The following NAXD variants were observed in gnomAD, a reference collection of about 807,000 sequenced individuals.
NAXD encodes the protein NAD(P)HX dehydratase, also known as ATP-dependent (S)-NAD(P)H-hydrate dehydratase.
In NAXD, 22 loss-of-function variants were observed where a neutral mutation model predicts 35.8. That is an observed-to-expected ratio of 0.62 (90% CI 0.44 to 0.88). NAXD has a LOEUF of 0.88. Among genes scored for constraint, NAXD ranks in the 40% least tolerant of loss-of-function variants. The probability of loss-of-function intolerance (pLI) is 0.00; values close to 1 mark genes in which losing one functional copy is unlikely to be tolerated. For synonymous variants in NAXD, 189 were observed against 177.6 expected (o/e 1.06, Z -0.51); for missense variants, 428 against 437.7 (o/e 0.98, Z 0.20).
intron 1 of NAXD, chr13:110,615,900 G>A (rs1411652355): frequency 1.3e-6 from 1 of 759,980 alleles, no homozygotes; most frequent in Non-Finnish European, 1.8e-6. Flanking sequence ...GAGGCCTCCT[G>A]GAACGGCGCG....
rs149247530 is a variant in NAXD at position 110,622,240 on chromosome 13, G to T, written c.71G>T (p.Arg24Leu). The T allele has an allele frequency of 1.2e-5, 19 of 1,613,346 alleles. No homozygotes were observed. Among genetic ancestry groups the T allele is most frequent in the Non-Finnish European group, 1.5e-5 (18 of 1,179,710 alleles). ...RRVLERAFSL[R>L]KAHSIKDMEN... ...GTTTTAGAAAGAGCGTTTTCGCTAC[G>T]TAAAGCACATTCGATAAAGGATATG... The change falls in exon 2 of 10, where the codon CGT becomes CTT. Residue 24 changes from arginine (R) to leucine (L), a missense_variant. By Grantham distance (102) the Arg-to-Leu change is moderately radical. Around this residue, in one of 3 missense-constraint regions of NAXD, gnomAD observed 208 missense variants for 193.0 expected, o/e 1.08. Coordinates refer to ENST00000680254, the MANE Select transcript of NAXD (RefSeq NM_001242882.2).
At chr13:110,617,820 TCTGTAAAAGAAA>T (rs1886117234) in intron 1 of NAXD, among the ~76,000 whole-genome samples, 1 of 152,210 alleles carries the variant, frequency 6.6e-6, no homozygotes, top group African/African-American at 2.4e-5. Context: ...AGTTTCCTTA[TCTGTAAAAGAAA>T]GATAAAGTGC....
chr13:110,635,404 GCTAT>G (rs1254963462), intron 7 of NAXD, 60 bp from the exon 8 acceptor site: 13 of 1,578,096 alleles, frequency 8.2e-6, no homozygotes, highest in Admixed American at 1.7e-5. Flanking sequence ...ATGGGACAGG[GCTAT>G]CTGTCGTCGT....
At chr13:110,625,139 G>A in intron 3 of NAXD, 51 bp from the exon 4 acceptor site, 1 of 1,371,718 alleles carries the variant, frequency 7.3e-7, no homozygotes, top group Non-Finnish European at 1.0e-6. Flanking sequence ...TGGCGGGTGG[G>A]CAGCGATGCC....
At chr13:110,634,502 TAGC>T in intron 5 of NAXD, 40 bp from the exon 6 acceptor site, 1 of 1,602,454 alleles carries the variant, frequency 6.2e-7, no homozygotes. Context: ...ACCCACACCA[TAGC>T]AGCAGGCATG....
In NAXD at chr13:110,628,365, G is replaced by T. The variant is rs1041143; in HGVS notation, c.441+818G>T. ...CACAGGGTGCTCACATGTGCAAGGC[G>T]TGGTGACTGCATGGGGATCAGAGGC... On this transcript the variant is annotated intron_variant, in intron 5 of 9. Coordinates refer to ENST00000680254, the MANE Select transcript of NAXD (RefSeq NM_001242882.2). The surrounding 1 kb of genome is among the most constrained non-coding windows in gnomAD (Gnocchi z 4.1). Among the ~76,000 whole-genome samples the T allele has an allele frequency of 0.15, 22,514 of 152,220 alleles. 1,970 individuals are homozygous for T. The highest frequency in any genetic ancestry group is 0.26 in the Admixed American group (4,038 of 15,292).
chr13:110,639,015 G>A lies in NAXD; in HGVS notation c.*487G>A, dbSNP rs558213578. On this transcript the variant is annotated 3_prime_UTR_variant, in exon 10 of 10. Transcript: ENST00000680254. ...ACTGCACTGACTGGGTCCATCAGAG[G>A]GCTGCTTCGTTCTCCAGCTCATCTT... 1 of 287,076 alleles carries A rather than the reference G, an allele frequency of 3.5e-6. No individual in the cohort carries two copies. Among genetic ancestry groups the A allele is most frequent in the Non-Finnish European group, 6.9e-6 (1 of 145,364 alleles). 17.8% of individuals were successfully genotyped at this position (287,076 alleles called of 1,614,324 possible).
At chr13:110,615,896 TC>T (rs1375082178) in intron 1 of NAXD, 1 of 808,166 alleles carries the variant, frequency 1.2e-6, no homozygotes, top group African/African-American at 1.8e-5. Flanking sequence ...GACGGAGGCC[TC>T]CTGGAACGGC....
intron 1 of NAXD, among the ~76,000 whole-genome samples, chr13:110,621,688 C>G (rs888957662): frequency 6.8e-6 from 1 of 147,404 alleles, no homozygotes; most frequent in Admixed American, 6.8e-5. Context: ...GAGCTAGACT[C>G]TGTCTCAAAT....
At chr13:110,623,726 G>A (rs79704400) in intron 2 of NAXD, among the ~76,000 whole-genome samples, 2,641 of 152,324 alleles carry the variant, frequency 0.017, 86 homozygotes, top group African/African-American at 0.06. Context: ...TTTCTGGCTG[G>A]GCGCGGTGGC....
At chr13:110,630,801 C>T (rs1176247193) in intron 5 of NAXD, among the ~76,000 whole-genome samples, 2 of 152,178 alleles carry the variant, frequency 1.3e-5, no homozygotes, top group Non-Finnish European at 2.9e-5. Context: ...GTCATCCTCC[C>T]TGACAATCCG....
intron 1 of NAXD, among the ~76,000 whole-genome samples, chr13:110,617,204 C>G (rs1886092034): frequency 6.6e-6 from 1 of 152,170 alleles, no homozygotes; most frequent in Non-Finnish European, 1.5e-5. Context: ...TTAGTTATAA[C>G]TCACATTAAC....
At position 110,638,344 on chromosome 13, in the gene NAXD, T is replaced by C; in HGVS notation, c.840-34T>C. 3.1e-6 allele frequency: 5 copies of C among 1,613,834 alleles called. No homozygotes were observed. Among genetic ancestry groups the C allele is most frequent in the Non-Finnish European group, 3.4e-6 (4 of 1,179,936 alleles). On this transcript the variant is annotated intron_variant, in intron 9 of 9. Transcript: ENST00000680254. The surrounding 1 kb of genome is among the most constrained non-coding windows in gnomAD (Gnocchi z 5.4). The stretch of plus-strand genomic sequence containing the variant: ...GCGGCCCCCGGACCACGACGCCCAC[T>C]TCCCCACACCTCCTGCTGTCCCCCT...
At position 110,628,155 on chromosome 13, in the gene NAXD, C is replaced by T. The variant is rs978906128; in HGVS notation, c.441+608C>T. On this transcript the variant is annotated intron_variant, in intron 5 of 9. Transcript: ENST00000680254. The surrounding 1 kb of genome is among the most constrained non-coding windows in gnomAD (Gnocchi z 4.1). ...AATAAATACCACCTGGGATCAGGGGCGATAAAAAGATGGGGATGGCTGCCA... is the reference window on the plus strand; with the variant it reads ...AATAAATACCACCTGGGATCAGGGGTGATAAAAAGATGGGGATGGCTGCCA... Among the ~76,000 whole-genome samples the T allele has an allele frequency of 2.6e-5, 4 of 152,148 alleles. No homozygotes were observed. Among genetic ancestry groups the T allele is most frequent in the South Asian group, 2.1e-4 (1 of 4,828 alleles).
At chr13:110,626,612 G>C (rs1886494182) in intron 4 of NAXD, among the ~76,000 whole-genome samples, 1 of 152,110 alleles carries the variant, frequency 6.6e-6, no homozygotes, top group Admixed American at 6.5e-5. Context: ...GCACGGGCTG[G>C]GGAGGAGGCA....
At position 110,638,530 on chromosome 13, in the gene NAXD, C is replaced by G. The variant is rs749342076; in HGVS notation, c.*2C>G. ...TTCAGCAAGCTCTTTGAAACCTGAG[C>G]CCGCGCAGACCAGAAGTAAACAGGC... On this transcript the variant is annotated 3_prime_UTR_variant, in exon 10 of 10. Transcript: ENST00000680254. The surrounding 1 kb of genome is among the most constrained non-coding windows in gnomAD (Gnocchi z 5.4). 6.2e-7 allele frequency: 1 copy of G among 1,611,456 alleles called. No individual in the cohort carries two copies. The highest frequency in any genetic ancestry group is 2.2e-5 in the East Asian group (1 of 44,858).
chr13:110,620,578 CAAAAAAAAA>C lies in NAXD; in HGVS notation c.47-1628_47-1620del, dbSNP rs34370844. ...CTGGCGACAGAGTGAGACTCTGTCT[CAAAAAAAAA>C]AAAAAAAAAGAATTTGGGTTGATGG... is the stretch of plus-strand genomic sequence containing the variant. On this transcript the variant is annotated intron_variant, in intron 1 of 9. Transcript: ENST00000680254. 8.2e-5 allele frequency among the ~76,000 whole-genome samples: 7 copies of C among 84,948 alleles called. No individual in the cohort carries two copies. In the South Asian group the frequency reaches 1.6e-3, roughly 19 times the overall value. 55.7% of individuals were successfully genotyped at this position (84,948 alleles called of 152,430 possible).
intron 3 of NAXD, among the ~76,000 whole-genome samples, 174 bp from the exon 4 acceptor site, chr13:110,625,016 T>G (rs1390396014): frequency 6.6e-6 from 1 of 152,234 alleles, no homozygotes; most frequent in Non-Finnish European, 1.5e-5. Context: ...TTTTTAGGTA[T>G]TGTGCTCTGC....
chr13:110,616,789 A>G (rs1241288668), intron 1 of NAXD, among the ~76,000 whole-genome samples: 3 of 152,182 alleles, frequency 2.0e-5, no homozygotes, highest in African/African-American at 7.2e-5. Flanking sequence ...CTTAGCCAGG[A>G]TTCTCCAGCC....
Sources: allele counts gnomAD v4.1 joint callset (sites outside exome capture counted in the v4.1 genomes callset), GRCh38; gene constraint gnomAD v4.1.1; regional missense constraint gnomAD v4.1.1; non-coding constraint Gnocchi (gnomAD v3.1); transcripts MANE v1.5; gene names NCBI Gene and HGNC (gene_info 2026-07-23, HGNC 2026-07-21).